The following CEP70 variants were observed in gnomAD, a reference collection of about 807,000 sequenced individuals.
The protein encoded by CEP70 is centrosomal protein 70.
In CEP70, 70 loss-of-function variants were observed where a neutral mutation model predicts 90.9. That is an observed-to-expected ratio of 0.77 (90% confidence interval 0.64 to 0.94). The LOEUF is 0.94. Among genes scored for constraint, CEP70 ranks in the 40% least tolerant of loss-of-function variants. The probability of loss-of-function intolerance (pLI) is 0.00; values close to 1 mark genes in which losing one functional copy is unlikely to be tolerated. For missense variants in CEP70, 648 were observed against 669.0 expected (o/e 0.97, Z 0.35); for synonymous variants, 220 against 228.3 (o/e 0.96, Z 0.33).
At chr3:138,504,942 C>T (rs2034844832) in intron 13 of CEP70, among the ~76,000 whole-genome samples, 1 of 151,886 alleles carries the variant, frequency 6.6e-6, no homozygotes, top group African/African-American at 2.4e-5. Flanking sequence ...AAAATCGCAG[C>T]ATGGAGATAT....
chr3:138,520,328 C>G (rs1339142245), intron 11 of CEP70, among the ~76,000 whole-genome samples: 2 of 152,224 alleles, frequency 1.3e-5, no homozygotes, highest in South Asian at 4.2e-4. Context: ...CTGCACCAAG[C>G]GGACCTAATA....
Position 138,566,803 on chromosome 3 carries a change from GTA to G in CEP70, c.465+3513_465+3514del, listed in dbSNP as rs35031657. ...CTGCACATGTACCCCAGAACTTAAA[GTA>G]TATATATATATATAAAAAAAAAACT... On this transcript the variant is annotated intron_variant, in intron 6 of 17. Transcript: ENST00000264982. 5.2e-3 allele frequency among the ~76,000 whole-genome samples: 767 copies of G among 148,448 alleles called. 4 individuals are homozygous for G. Among genetic ancestry groups the G allele is most frequent in the African/African-American group, 0.017 (696 of 40,504 alleles).
At chr3:138,565,483 A>G (rs1191773959) in intron 6 of CEP70, among the ~76,000 whole-genome samples, 2 of 152,220 alleles carry the variant, frequency 1.3e-5, no homozygotes, top group Non-Finnish European at 2.9e-5. Flanking sequence ...AAGGGTACCA[A>G]AACAGATATA....
chr3:138,539,891 T>C (rs1183850757), intron 6 of CEP70, among the ~76,000 whole-genome samples: 1 of 152,162 alleles, frequency 6.6e-6, no homozygotes, highest in Non-Finnish European at 1.5e-5. Flanking sequence ...GGCAATACCA[T>C]ACTGGACATA....
At chr3:138,540,367 T>A (rs956601735) in intron 6 of CEP70, among the ~76,000 whole-genome samples, 1 of 151,888 alleles carries the variant, frequency 6.6e-6, no homozygotes, top group Non-Finnish European at 1.5e-5. Context: ...GGCGCATGCC[T>A]GTAGTCCCAG....
chr3:138,495,160 G>C, intron 17 of CEP70, 84 bp from the exon 18 acceptor site: 2 of 762,954 alleles, frequency 2.6e-6, no homozygotes, highest in South Asian at 1.6e-5. Flanking sequence ...ATATGCAAAG[G>C]CAAACCCCAA....
intron 2 of CEP70, among the ~76,000 whole-genome samples, chr3:138,587,429 C>T (rs548882782): frequency 6.6e-6 from 1 of 151,938 alleles, no homozygotes; most frequent in Non-Finnish European, 1.5e-5. Context: ...ATTCAGGAAA[C>T]TTTCCTGATT....
chr3:138,521,857 G>C (rs981837528), intron 11 of CEP70, among the ~76,000 whole-genome samples: 1 of 152,180 alleles, frequency 6.6e-6, no homozygotes, highest in Admixed American at 6.5e-5. Context: ...GGGAAATGTG[G>C]GGAAAAGAAA....
chr3:138,543,303 G>A (rs1047050899), intron 6 of CEP70, among the ~76,000 whole-genome samples: 4 of 152,160 alleles, frequency 2.6e-5, no homozygotes, highest in African/African-American at 9.7e-5. Context: ...TCCCTTCTGC[G>A]CTCGTCGGCA....
chr3:138,586,727 C>A (rs2042122728), intron 2 of CEP70, among the ~76,000 whole-genome samples: 1 of 151,476 alleles, frequency 6.6e-6, no homozygotes, highest in African/African-American at 2.4e-5. Context: ...TCAATGGGTA[C>A]AAAAAAATAG....
At chr3:138,500,034 G>A in intron 16 of CEP70, 76 bp downstream of exon 16, 1 of 964,252 alleles carries the variant, frequency 1.0e-6, no homozygotes, top group Non-Finnish European at 1.7e-6. Context: ...AGCCTCCCAA[G>A]TAGCTGGGAC....
chr3:138,551,697 T>C (rs1241997383), intron 6 of CEP70, among the ~76,000 whole-genome samples: 4 of 147,358 alleles, frequency 2.7e-5, no homozygotes, highest in Non-Finnish European at 5.9e-5. Flanking sequence ...AGTGAGCCGA[T>C]ATCCCGCCAC....
intron 16 of CEP70, chr3:138,499,783 T>TCTACACACACACACACACACACACACAC (rs138764339): frequency 1.1e-5 from 2 of 188,772 alleles, no homozygotes; most frequent in Admixed American, 5.5e-5. Flanking sequence ...TCTCTCTCTC[T>TCTACACACACACACACACACACACACAC]ACACACACAC....
chr3:138,572,831 G>C, intron 3 of CEP70, 28 bp downstream of exon 3: 1 of 1,345,758 alleles, frequency 7.4e-7, no homozygotes, highest in South Asian at 1.2e-5. Context: ...ATTTTGAGAA[G>C]CAGTGTCTTA....
chr3:138,533,296 A>G (rs184953902), intron 7 of CEP70, among the ~76,000 whole-genome samples: 9 of 152,188 alleles, frequency 5.9e-5, no homozygotes, highest in African/African-American at 1.7e-4. Context: ...AAAAAAAAAA[A>G]AGAAAGAAAA....
intron 13 of CEP70, among the ~76,000 whole-genome samples, chr3:138,501,215 A>G (rs1162276106): frequency 6.6e-6 from 1 of 152,088 alleles, no homozygotes; most frequent in Non-Finnish European, 1.5e-5. Flanking sequence ...ATTATTTTGA[A>G]TTGTTGATAC....
At chr3:138,517,550 T>C (rs1284585854) in intron 11 of CEP70, among the ~76,000 whole-genome samples, 6 of 152,082 alleles carry the variant, frequency 3.9e-5, no homozygotes, top group African/African-American at 1.4e-4. Flanking sequence ...GTGACTGTAG[T>C]CCTAGCTACT....
chr3:138,571,401 G>A, intron 3 of CEP70, 45 bp from the exon 4 acceptor site: 1 of 1,276,754 alleles, frequency 7.8e-7, no homozygotes, highest in Non-Finnish European at 1.1e-6. Flanking sequence ...TAGATATAAA[G>A]TGAAGAAATT....
intron 6 of CEP70, among the ~76,000 whole-genome samples, chr3:138,545,810 T>C (rs1299996634): frequency 1.3e-5 from 2 of 152,302 alleles, no homozygotes; most frequent in South Asian, 4.1e-4. Flanking sequence ...CCTGGTCTCC[T>C]GCAGTACCCT....
Sources: allele counts gnomAD v4.1 joint callset (sites outside exome capture counted in the v4.1 genomes callset), GRCh38; gene constraint gnomAD v4.1.1; transcripts MANE v1.5; gene names NCBI Gene and HGNC (gene_info 2026-07-23, HGNC 2026-07-21).